MMS22L: variants seen among roughly 807,000 people sequenced by gnomAD.
MMS22L encodes the protein MMS22 like, DNA repair protein, also known as protein MMS22-like.
Under a neutral mutation model 159.1 loss-of-function variants are expected in MMS22L, and 74 were observed. The observed-to-expected ratio is 0.47, with a 90% CI of 0.39 to 0.56. The LOEUF (loss-of-function observed/expected upper bound fraction) is 0.56, where lower values mean the gene tolerates loss of function less well. Ranked by LOEUF, MMS22L falls within the 20% of genes least tolerant of loss-of-function variation. MMS22L has a pLI of 0.00. For synonymous variants in MMS22L, 517 were observed against 506.9 expected, an observed-to-expected ratio of 1.02 and a Z score of -0.27; for missense variants, 1,351 against 1,422.1, an observed-to-expected ratio of 0.95 and a Z score of 0.80.
chr6:97,156,205 T>C (rs1358060377), intron 22 of MMS22L, among the ~76,000 whole-genome samples: 2 of 152,232 alleles, frequency 1.3e-5, no homozygotes, highest in Admixed American at 1.3e-4. Context: ...TTGTTTAAGT[T>C]CTTTGTAGAT....
chr6:97,264,626 T>G (rs1814891788), intron 8 of MMS22L: 1 of 152,100 alleles, frequency 6.6e-6, no homozygotes, highest in Admixed American at 6.6e-5. Context: ...GTAGATAACA[T>G]GATCTTTTAT....
intron 11 of MMS22L, among the ~76,000 whole-genome samples, chr6:97,242,129 T>C (rs1177002725): frequency 6.6e-6 from 1 of 152,228 alleles, no homozygotes. Context: ...TTCTAGGGTA[T>C]AGTTTAAATC....
chr6:97,152,226 G>A (rs1350603456), intron 22 of MMS22L, among the ~76,000 whole-genome samples: 1 of 151,792 alleles, frequency 6.6e-6, no homozygotes. Flanking sequence ...TTACAGACAG[G>A]CAGATTGATT....
chr6:97,185,435 A>G (rs551270677), intron 15 of MMS22L, among the ~76,000 whole-genome samples: 8 of 152,306 alleles, frequency 5.3e-5, no homozygotes, highest in Non-Finnish European at 1.0e-4. Context: ...ATTTATCTTC[A>G]GCATCTAAGA....
At position 97,281,271 on chromosome 6, in the gene MMS22L, C is replaced by G; in HGVS notation, c.256G>C (p.Val86Leu). The G allele has an allele frequency of 6.2e-7, 1 of 1,611,600 alleles. No individual in the cohort carries two copies. Among genetic ancestry groups the G allele is most frequent in the Non-Finnish European group, 8.5e-7 (1 of 1,179,390 alleles). ...GIQWVTETAL[V>L]NSSRELFHLF... ...TGAAAGAGTTCTCTAGATGAATTCA[C>G]TAATGCTGTTTCAGTAACCCACTGA... The change falls in exon 3 of 25, where the codon GTG becomes CTG. Residue 86 changes from valine to leucine, a missense_variant. Val to Leu is a conservative substitution (Grantham distance 32). Coordinates refer to ENST00000683635, the MANE Select transcript of MMS22L (RefSeq NM_001350599.2).
intron 14 of MMS22L, among the ~76,000 whole-genome samples, chr6:97,192,920 T>A (rs894526342): frequency 6.6e-6 from 1 of 152,206 alleles, no homozygotes; most frequent in African/African-American, 2.4e-5. Flanking sequence ...ATGCTCTTAG[T>A]AAGCAGCAGA....
chr6:97,202,071 T>C (rs1237017335), intron 14 of MMS22L, among the ~76,000 whole-genome samples: 2 of 152,174 alleles, frequency 1.3e-5, no homozygotes, highest in Non-Finnish European at 2.9e-5. Flanking sequence ...GACCACTGTA[T>C]TCTTCTTATA....
At chr6:97,178,642 A>C (rs1804367582) in intron 17 of MMS22L, 57 bp from the exon 18 acceptor site, 1 of 834,306 alleles carries the variant, frequency 1.2e-6, no homozygotes. Context: ...TATATACATA[A>C]CCACACATAC....
At chr6:97,245,889 ACATAT>A in intron 11 of MMS22L, 1 of 90,638 alleles carries the variant, frequency 1.1e-5, no homozygotes, top group South Asian at 1.2e-4. Flanking sequence ...ACACACACAC[ACATAT>A]AAAGCAATAT....
intron 14 of MMS22L, among the ~76,000 whole-genome samples, chr6:97,220,957 GAC>G (rs71012586): frequency 0.053 from 7,587 of 143,402 alleles, 416 homozygotes; most frequent in Admixed American, 0.17. Context: ...TAAGACCCCT[GAC>G]ACACACACAC....
At chr6:97,180,276 T>C (rs1294329255) in intron 16 of MMS22L, among the ~76,000 whole-genome samples, 1 of 152,090 alleles carries the variant, frequency 6.6e-6, no homozygotes, top group African/African-American at 2.4e-5. Context: ...TAATTTTTTG[T>C]ATTTTTAGTA....
upstream of MMS22L, chr6:97,283,699 G>A (rs1301146262): frequency 2.0e-5 from 3 of 152,146 alleles, no homozygotes; most frequent in Non-Finnish European, 2.9e-5. Flanking sequence ...TAACCAACTT[G>A]ACCTAATTGA....
intron 6 of MMS22L, chr6:97,270,617 A>G (rs1173134101): frequency 1.7e-5 from 3 of 174,576 alleles, no homozygotes; most frequent in Non-Finnish European, 3.7e-5. Context: ...AAATACAATG[A>G]CATAACATGT....
intron 14 of MMS22L, among the ~76,000 whole-genome samples, chr6:97,216,374 TA>T (rs1231422140): frequency 3.4e-5 from 5 of 148,818 alleles, no homozygotes; most frequent in Admixed American, 6.7e-5. Flanking sequence ...ATTACATCAT[TA>T]AAAAAAAAAG....
At chr6:97,223,258 G>A (rs981976384) in intron 14 of MMS22L, among the ~76,000 whole-genome samples, 6 of 151,740 alleles carry the variant, frequency 4.0e-5, no homozygotes, top group African/African-American at 1.2e-4. Context: ...ACACACACAC[G>A]CACACACTTT....
intron 22 of MMS22L, among the ~76,000 whole-genome samples, chr6:97,160,293 T>C (rs898794642): frequency 4.6e-5 from 7 of 152,032 alleles, no homozygotes; most frequent in Non-Finnish European, 7.4e-5. Context: ...GTGGGTCTGT[T>C]AGCAACAAAT....
rs191624725 is a variant in MMS22L at position 97,273,105 on chromosome 6, A to G, written c.341-43T>C. On this transcript the variant is annotated intron_variant, in intron 4 of 24. Coordinates refer to ENST00000683635, the MANE Select transcript of MMS22L (RefSeq NM_001350599.2). ...AATGTTAATCATAGTTCAAATAATT[A>G]TCATGGGCAGTGACAAAAAATGTTG... 1,163 of 1,502,920 alleles carry G rather than the reference A, an allele frequency of 7.7e-4. 11 individuals are homozygous for G. In the African/African-American group the frequency reaches 0.015, roughly 19 times the overall value. The allele number at this position is 1,502,920 out of a possible 1,614,324, so 93.1% of individuals were successfully genotyped here.
At position 97,173,126 on chromosome 6, in the gene MMS22L, T is replaced by C. The variant is rs1803723414; in HGVS notation, c.2776A>G (p.Ile926Val). 1.9e-6 allele frequency: 3 copies of C among 1,613,738 alleles called. No individual in the cohort carries two copies. Among genetic ancestry groups the C allele is most frequent in the Admixed American group, 1.7e-5 (1 of 59,968 alleles). The change falls in exon 19 of 25, where the codon ATT becomes GTT. Residue 926 changes from isoleucine (I) to valine (V), a missense_variant. Physicochemically the swap from Ile to Val is conservative, Grantham distance 29 (BLOSUM62 3). Transcript: ENST00000683635. ...LEYLGEVLKY[I>V]KPYLGKKVFS... ...ACTTTTTTTCCCAAATAAGGCTTAA[T>C]ATATTTTAATACTTCACCAAGGTAT...
intron 9 of MMS22L, chr6:97,261,129 T>C (rs1186434396): frequency 6.6e-6 from 1 of 152,220 alleles, no homozygotes; most frequent in African/African-American, 2.4e-5. Flanking sequence ...ATAACCACTG[T>C]TAGTTCTCTT....
Sources: gnomAD v4.1 joint callset for allele counts (sites outside exome capture counted in the v4.1 genomes callset) on GRCh38, gnomAD v4.1.1 for gene constraint, MANE v1.5 for transcripts, NCBI Gene and HGNC (gene_info 2026-07-23, HGNC 2026-07-21) for gene names.